Variants in TCF7L2 observed in about 807,000 individuals in gnomAD.
TCF7L2 encodes the protein transcription factor 7 like 2.
In TCF7L2, 23 loss-of-function variants were observed where a neutral mutation model predicts 77.9. The ratio of observed to expected loss-of-function variants is 0.30; its 90% CI spans 0.21 to 0.42. The LOEUF (loss-of-function observed/expected upper bound fraction) is 0.42, where lower values mean the gene tolerates loss of function less well. Among genes scored for constraint, TCF7L2 ranks in the 10% least tolerant of loss-of-function variants. TCF7L2 has a pLI of 1.00. For missense variants in TCF7L2, 654 were observed against 793.1 expected (o/e 0.82, Z 2.11); for synonymous variants, 413 against 340.2 (o/e 1.21, Z -2.36).
intron 5 of TCF7L2, among the ~76,000 whole-genome samples, chr10:113,101,569 G>A (rs1320075802): frequency 2.0e-5 from 3 of 152,108 alleles, no homozygotes; most frequent in Non-Finnish European, 2.9e-5. Flanking sequence ...GGGGCTGGGC[G>A]CGGTGGCTCA....
intron 5 of TCF7L2, among the ~76,000 whole-genome samples, chr10:113,101,286 G>T (rs1207339498): frequency 6.6e-6 from 1 of 152,072 alleles, no homozygotes; most frequent in African/African-American, 2.4e-5. Context: ...AGTTGTTCAG[G>T]CCTATATTGT....
chr10:113,106,855 G>A (rs2062388037), intron 5 of TCF7L2, among the ~76,000 whole-genome samples: 1 of 152,196 alleles, frequency 6.6e-6, no homozygotes, highest in Admixed American at 6.5e-5. Context: ...ACATAGAAAT[G>A]TATGAAAATG....
intron 5 of TCF7L2, among the ~76,000 whole-genome samples, chr10:113,061,116 G>A (rs1012420080): frequency 2.0e-5 from 3 of 152,024 alleles, no homozygotes; most frequent in Non-Finnish European, 4.4e-5. Context: ...CCAACCTTGT[G>A]GCCCCTACCT....
chr10:113,130,078 T>TC (rs34096467), intron 5 of TCF7L2: 133 of 856,024 alleles, frequency 1.6e-4, no homozygotes, highest in Middle Eastern at 5.6e-4. Flanking sequence ...CTATGCTTTT[T>TC]CCCCCCCCTT....
chr10:113,046,428 G>A (rs1283355838), intron 5 of TCF7L2, among the ~76,000 whole-genome samples: 1 of 151,922 alleles, frequency 6.6e-6, no homozygotes, highest in Non-Finnish European at 1.5e-5. Context: ...GTTTCTTTTT[G>A]GTACAATATG....
intron 5 of TCF7L2, chr10:113,133,378 A>G (rs1171546903): frequency 2.0e-5 from 3 of 152,124 alleles, no homozygotes; most frequent in African/African-American, 7.3e-5. Flanking sequence ...CAACACCTCC[A>G]GCCCACCCAC....
chr10:112,989,110 G>A (rs570097713), intron 4 of TCF7L2, among the ~76,000 whole-genome samples: 3 of 152,230 alleles, frequency 2.0e-5, no homozygotes, highest in Admixed American at 6.5e-5. Flanking sequence ...GAATGCTAAC[G>A]TGAACCCTCA....
chr10:112,986,650 C>T (rs1297867716), intron 4 of TCF7L2, among the ~76,000 whole-genome samples: 5 of 152,178 alleles, frequency 3.3e-5, no homozygotes, highest in African/African-American at 1.2e-4. Context: ...GTGTTTCTCT[C>T]TGGTGGAAAA....
At position 113,061,430 on chromosome 10, in the gene TCF7L2, G is replaced by T. The variant is rs186159515; in HGVS notation, c.552+21304G>T. ...TTCCTATACATTTCCTTAATTTAAG[G>T]GAACAGCGTAAACTCAGCCCAGGTG... On this transcript the variant is annotated intron_variant, in intron 5 of 13. Transcript: ENST00000627217. 1.4e-4 allele frequency among the ~76,000 whole-genome samples: 21 copies of T among 152,272 alleles called. No homozygotes were observed. The East Asian group carries it at 3.9e-3, about 28-fold the overall frequency.
chr10:112,995,629 G>A (rs1029890100), intron 4 of TCF7L2, among the ~76,000 whole-genome samples: 1 of 152,156 alleles, frequency 6.6e-6, no homozygotes, highest in African/African-American at 2.4e-5. Flanking sequence ...GGGCTATTCT[G>A]TGACTCAAAT....
At chr10:112,991,731 G>A (rs1168651045) in intron 4 of TCF7L2, among the ~76,000 whole-genome samples, 6 of 152,096 alleles carry the variant, frequency 3.9e-5, no homozygotes, top group Admixed American at 3.3e-4. Context: ...GGCCCCTGTC[G>A]GTCTGTTCAG....
At chr10:112,960,131 A>G (rs1032211827) in intron 3 of TCF7L2, among the ~76,000 whole-genome samples, 4 of 152,186 alleles carry the variant, frequency 2.6e-5, no homozygotes, top group Non-Finnish European at 4.4e-5. Flanking sequence ...TGCTGGAAAA[A>G]CCAACAGAGG....
At chr10:113,009,914 T>C (rs2046180186) in intron 4 of TCF7L2, among the ~76,000 whole-genome samples, 1 of 152,168 alleles carries the variant, frequency 6.6e-6, no homozygotes. Flanking sequence ...AGGGAGACCA[T>C]AAAAGACAAT....
intron 4 of TCF7L2, among the ~76,000 whole-genome samples, chr10:112,982,683 C>T (rs1206648083): frequency 4.6e-5 from 7 of 152,104 alleles, no homozygotes; most frequent in Admixed American, 6.6e-5. Context: ...TGCAGTGGTG[C>T]GATCTTGGCT....
At chr10:113,039,968 C>T (rs2134260865) in intron 4 of TCF7L2, 57 bp from the exon 5 acceptor site, 1 of 1,482,308 alleles carries the variant, frequency 6.7e-7, no homozygotes, top group Non-Finnish European at 9.4e-7. Context: ...GCTAGTTGTT[C>T]TGCATTTACT....
chr10:113,018,873 C>G (rs779354870), intron 4 of TCF7L2, among the ~76,000 whole-genome samples: 2 of 152,088 alleles, frequency 1.3e-5, no homozygotes, highest in African/African-American at 4.8e-5. Flanking sequence ...CACCTAGCAC[C>G]GGCCAGCTGC....
intron 13 of TCF7L2, chr10:113,161,495 A>C: frequency 2.8e-6 from 4 of 1,441,394 alleles, no homozygotes; most frequent in South Asian, 1.2e-5. Context: ...TGGTGGAGGG[A>C]TACCGACTAG....
At chr10:112,994,975 C>T (rs2043203081) in intron 4 of TCF7L2, among the ~76,000 whole-genome samples, 1 of 152,146 alleles carries the variant, frequency 6.6e-6, no homozygotes, top group Non-Finnish European at 1.5e-5. Context: ...TGGTGGGCGC[C>T]TGTAATCCCA....
rs2061286433 is a variant in TCF7L2 at position 113,098,378 on chromosome 10, G to A, written c.553-42806G>A. 3.3e-5 allele frequency among the ~76,000 whole-genome samples: 5 copies of A among 152,178 alleles called. 1 individual carries two copies. The South Asian group carries it at 1.0e-3, about 32-fold the overall frequency. ...TTCTGTGCCCTGATTTAACGTATGA[G>A]GGTCAAGTGTGAGACGTGGGATTTT... On this transcript the variant is annotated intron_variant, in intron 5 of 13. Coordinates refer to ENST00000627217, the MANE Select transcript of TCF7L2 (RefSeq NM_001146274.2).
Sources: allele counts gnomAD v4.1 joint callset (sites outside exome capture counted in the v4.1 genomes callset), GRCh38; gene constraint gnomAD v4.1.1; transcripts MANE v1.5; gene names NCBI Gene and HGNC (gene_info 2026-07-23, HGNC 2026-07-21).